The following ANXA8 variants were observed in gnomAD, a reference collection of about 807,000 sequenced individuals.
ANXA8 encodes VAC-beta.
A neutral mutation model predicts 26.8 loss-of-function variants in ANXA8; 9 were observed. The ratio of observed to expected loss-of-function variants is 0.34; its 90% CI spans 0.20 to 0.59. The LOEUF (loss-of-function observed/expected upper bound fraction) is 0.59, where lower values mean the gene tolerates loss of function less well. Ranked by LOEUF, ANXA8 falls within the 20% of genes least tolerant of loss-of-function variation. The pLI is 0.84. For missense variants in ANXA8, 83 were observed against 238.5 expected (o/e 0.35, Z 4.29); for synonymous variants, 39 against 94.8 (o/e 0.41, Z 3.42).
chr10:47,655,405 A>G, the ANXA8 span, among the ~76,000 whole-genome samples: 1 of 151,828 alleles, frequency 6.6e-6, no homozygotes, highest in African/African-American at 2.4e-5. Flanking sequence ...TGAGCACACA[A>G]TTGAACAGTT....
the ANXA8 span, among the ~76,000 whole-genome samples, chr10:47,688,446 G>A: frequency 1.3e-5 from 2 of 150,166 alleles, no homozygotes; most frequent in African/African-American, 4.9e-5. Flanking sequence ...TTTTGAGATG[G>A]AGTCTCGCTT....
the ANXA8 span, among the ~76,000 whole-genome samples, chr10:47,953,049 T>G: frequency 6.7e-6 from 1 of 150,166 alleles, no homozygotes; most frequent in Non-Finnish European, 1.5e-5. Context: ...CTTCACAACT[T>G]GGGCAGGCAA....
chr10:47,723,424 C>G, the ANXA8 span, among the ~76,000 whole-genome samples: 6 of 67,996 alleles, frequency 8.8e-5, no homozygotes, highest in Admixed American at 1.8e-4. Flanking sequence ...TTCAGTTATT[C>G]CATTCTACTC....
At chr10:47,929,119 C>CATTCCTCT in the ANXA8 span, among the ~76,000 whole-genome samples, 1 of 77,908 alleles carries the variant, frequency 1.3e-5, no homozygotes, top group African/African-American at 6.2e-5. Context: ...GCATGGGATA[C>CATTCCTCT]TGTGCCTGGC....
At position 47,483,449 on chromosome 10, in the gene ANXA8, G is replaced by A. The variant is rs1351532760; in HGVS notation, c.21+464C>T. Among the ~76,000 whole-genome samples the A allele has an allele frequency of 1.3e-3, 176 of 134,248 alleles. 5 individuals carry two copies. Among genetic ancestry groups the A allele is most frequent in the Non-Finnish European group, 2.2e-3 (143 of 64,802 alleles). 88.1% of individuals were successfully genotyped at this position (134,248 alleles called of 152,430 possible). ...CCTCCGGTACCAGGACCCTTGAGCT[G>A]TGCTGAGCAGCTTCCCTCGAAGCCA... On this transcript the variant is annotated intron_variant, in intron 1 of 11. Transcript: ENST00000585281.
chr10:47,679,891 A>G, the ANXA8 span, among the ~76,000 whole-genome samples: 1 of 152,084 alleles, frequency 6.6e-6, no homozygotes, highest in Non-Finnish European at 1.5e-5. Flanking sequence ...GCACTCCAGC[A>G]TGGGAGACAG....
the ANXA8 span, among the ~76,000 whole-genome samples, chr10:47,956,828 C>T: frequency 6.7e-6 from 1 of 150,030 alleles, no homozygotes; most frequent in Admixed American, 6.6e-5. Flanking sequence ...CATTCAGGAG[C>T]AGGGCACTCA....
the ANXA8 span, among the ~76,000 whole-genome samples, chr10:47,699,331 G>A: frequency 2.5e-4 from 30 of 118,846 alleles, no homozygotes; most frequent in Admixed American, 1.8e-3. Context: ...GGGACAGAGC[G>A]AGATTCTGTC....
chr10:47,666,453 G>C, the ANXA8 span, among the ~76,000 whole-genome samples: 1 of 151,564 alleles, frequency 6.6e-6, no homozygotes, highest in Non-Finnish European at 1.5e-5. Flanking sequence ...GGAATGCTGT[G>C]GTTATTACAC....
chr10:47,492,243 G>A, the ANXA8 span, among the ~76,000 whole-genome samples: 1 of 150,156 alleles, frequency 6.7e-6, no homozygotes, highest in African/African-American at 2.4e-5. Context: ...GGGACAGGGT[G>A]GGGCGTTCAG....
the ANXA8 span, among the ~76,000 whole-genome samples, chr10:47,600,576 T>C: frequency 2.7e-5 from 4 of 148,030 alleles, no homozygotes; most frequent in Admixed American, 6.6e-5. Flanking sequence ...ATGCTATCTA[T>C]TGGTGAAAGA....
At chr10:47,944,894 C>T in the ANXA8 span, among the ~76,000 whole-genome samples, 11 of 140,680 alleles carry the variant, frequency 7.8e-5, no homozygotes, top group African/African-American at 3.0e-4. Context: ...CTCAGTCTGT[C>T]CTTGTACAGG....
At chr10:47,553,400 A>T in the ANXA8 span, 1 of 155,292 alleles carries the variant, frequency 6.4e-6, no homozygotes. Context: ...GGACCTTCCC[A>T]TGCGCACGAC....
the ANXA8 span, among the ~76,000 whole-genome samples, chr10:47,776,241 C>G: frequency 6.7e-6 from 1 of 150,122 alleles, no homozygotes; most frequent in African/African-American, 2.5e-5. Context: ...TTCCCCCAAA[C>G]AAGTTGCAGG....
chr10:47,711,564 G>A, the ANXA8 span, among the ~76,000 whole-genome samples: 2 of 147,724 alleles, frequency 1.4e-5, no homozygotes, highest in South Asian at 4.2e-4. Flanking sequence ...TCTAACTTTG[G>A]ACTTTTATGT....
chr10:47,729,430 T>A, the ANXA8 span, among the ~76,000 whole-genome samples: 1 of 142,752 alleles, frequency 7.0e-6, no homozygotes, highest in Admixed American at 7.2e-5. Flanking sequence ...TGGTGCTCTG[T>A]CATTCTGGTA....
chr10:47,585,695 G>C, the ANXA8 span, among the ~76,000 whole-genome samples: 1 of 132,284 alleles, frequency 7.6e-6, no homozygotes. Context: ...GATTTCCCTG[G>C]TTTGGGGTTT....
chr10:47,585,242 A>C, the ANXA8 span, among the ~76,000 whole-genome samples: 1 of 109,296 alleles, frequency 9.1e-6, no homozygotes, highest in Non-Finnish European at 1.9e-5. Flanking sequence ...CCAGCCTGAG[A>C]GACATAGCGA....
chr10:47,493,364 T>G, the ANXA8 span, among the ~76,000 whole-genome samples: 1 of 147,764 alleles, frequency 6.8e-6, no homozygotes, highest in African/African-American at 2.7e-5. Flanking sequence ...TGCAGAGGCC[T>G]GGGGGATGGG....
Sources: allele counts gnomAD v4.1 joint callset (sites outside exome capture counted in the v4.1 genomes callset), GRCh38; gene constraint gnomAD v4.1.1; transcripts MANE v1.5; gene names NCBI Gene and HGNC (gene_info 2026-07-23, HGNC 2026-07-21).